GRID2: variants seen among roughly 807,000 people sequenced by gnomAD.
The protein encoded by GRID2 is glutamate receptor ionotropic, delta-2.
Under a neutral mutation model 114.8 loss-of-function variants are expected in GRID2, and 33 were observed. The ratio of observed to expected loss-of-function variants is 0.29; its 90% confidence interval spans 0.22 to 0.38. The LOEUF (loss-of-function observed/expected upper bound fraction) is 0.38. Ranked by LOEUF, GRID2 falls within the 10% of genes least tolerant of loss-of-function variation. The probability of loss-of-function intolerance (pLI) is 1.00; values close to 1 mark genes in which losing one functional copy is unlikely to be tolerated. For missense variants in GRID2, 1,184 were observed against 1,257.7 expected (o/e 0.94, Z 0.89); for synonymous variants, 505 against 449.9 (o/e 1.12, Z -1.55).
chr4:93,755,259 A>C (rs1732645590), intron 14 of GRID2, among the ~76,000 whole-genome samples: 1 of 152,194 alleles, frequency 6.6e-6, no homozygotes, highest in South Asian at 2.1e-4. Context: ...TGGTTGAAGA[A>C]AATAGATACA....
At chr4:93,225,100 G>T (rs966350452) in intron 7 of GRID2, among the ~76,000 whole-genome samples, 2 of 152,032 alleles carry the variant, frequency 1.3e-5, no homozygotes, top group Non-Finnish European at 2.9e-5. Context: ...AAAAACACAC[G>T]CCATCCACTA....
rs112079366 is a variant in GRID2 at position 93,516,481 on chromosome 4, A to G, written c.2193+1070A>G. Among the ~76,000 whole-genome samples, 352 of 152,208 alleles carry G rather than the reference A, an allele frequency of 2.3e-3. 2 individuals carry two copies. Among genetic ancestry groups the G allele is most frequent in the African/African-American group, 7.9e-3 (329 of 41,542 alleles). On this transcript the variant is annotated intron_variant, in intron 13 of 15. Transcript: ENST00000282020. Reference sequence around the variant, plus strand: ...ATAAACCTTTCTTCAAGTATTAATGATGTCTTTAAGGAAGTGAATGTCCTG... The same window carrying G: ...ATAAACCTTTCTTCAAGTATTAATGGTGTCTTTAAGGAAGTGAATGTCCTG...
intron 2 of GRID2, among the ~76,000 whole-genome samples, chr4:92,917,740 T>A (rs1748930991): frequency 6.6e-6 from 1 of 152,232 alleles, no homozygotes; most frequent in African/African-American, 2.4e-5. Context: ...CCATGCTGTT[T>A]TGGTTACTGT....
intron 4 of GRID2, among the ~76,000 whole-genome samples, chr4:93,137,470 A>G (rs576165481): frequency 6.6e-6 from 1 of 152,234 alleles, no homozygotes; most frequent in Admixed American, 6.5e-5. Flanking sequence ...CCTAGAAGGA[A>G]CCTATAGGAC....
chr4:93,094,430 T>C (rs949042712), intron 3 of GRID2, among the ~76,000 whole-genome samples: 5 of 152,064 alleles, frequency 3.3e-5, no homozygotes, highest in African/African-American at 1.2e-4. Context: ...TTTATTTTGG[T>C]TAATTTTGTT....
intron 2 of GRID2, among the ~76,000 whole-genome samples, chr4:92,687,696 G>A (rs952864215): frequency 1.3e-5 from 2 of 151,976 alleles, no homozygotes; most frequent in African/African-American, 4.8e-5. Context: ...GGGCGTTGTG[G>A]CCCGCGCCTA....
intron 2 of GRID2, among the ~76,000 whole-genome samples, chr4:92,950,934 T>C (rs1482502479): frequency 6.6e-6 from 1 of 152,174 alleles, no homozygotes; most frequent in Non-Finnish European, 1.5e-5. Flanking sequence ...AGATTATGTA[T>C]ACTGATTATG....
intron 1 of GRID2, among the ~76,000 whole-genome samples, chr4:92,312,155 G>A (rs1207650255): frequency 6.6e-6 from 1 of 151,956 alleles, no homozygotes; most frequent in Non-Finnish European, 1.5e-5. Flanking sequence ...ATATTCAAAG[G>A]CAATTGGAGT....
chr4:93,614,069 G>A (rs553726920), intron 13 of GRID2, among the ~76,000 whole-genome samples: 2 of 152,052 alleles, frequency 1.3e-5, no homozygotes, highest in Non-Finnish European at 2.9e-5. Context: ...GGAGTGACCC[G>A]ATTTTCCAGG....
At chr4:93,765,724 A>G (rs567912735) in intron 14 of GRID2, among the ~76,000 whole-genome samples, 3 of 151,794 alleles carry the variant, frequency 2.0e-5, no homozygotes, top group Non-Finnish European at 4.4e-5. Context: ...AAATAAAATG[A>G]AATGCAAGGG....
At chr4:92,900,887 G>A (rs1747534574) in intron 2 of GRID2, among the ~76,000 whole-genome samples, 1 of 147,212 alleles carries the variant, frequency 6.8e-6, no homozygotes, top group Admixed American at 6.8e-5. Context: ...CATCCATATT[G>A]CTGCTGCAAA....
intron 14 of GRID2, among the ~76,000 whole-genome samples, chr4:93,674,392 A>C (rs1184493677): frequency 6.6e-6 from 1 of 152,208 alleles, no homozygotes; most frequent in Non-Finnish European, 1.5e-5. Context: ...AATGCTGTGC[A>C]GTCTCTGGAA....
At chr4:92,348,551 G>C (rs1020941479) in intron 1 of GRID2, among the ~76,000 whole-genome samples, 1 of 152,160 alleles carries the variant, frequency 6.6e-6, no homozygotes. Flanking sequence ...AAAAGAGCTA[G>C]TTTCAGCTTT....
chr4:93,175,083 A>G (rs879706606), intron 4 of GRID2, among the ~76,000 whole-genome samples: 2 of 152,092 alleles, frequency 1.3e-5, no homozygotes, highest in Admixed American at 6.6e-5. Context: ...TTATATTCCT[A>G]CTAGCAATAT....
intron 2 of GRID2, among the ~76,000 whole-genome samples, chr4:93,080,980 C>G (rs1729808272): frequency 6.6e-6 from 1 of 152,160 alleles, no homozygotes; most frequent in Non-Finnish European, 1.5e-5. Flanking sequence ...GGAGCCCACT[C>G]TTGCTATAAT....
At chr4:92,386,076 A>T (rs1729947914) in intron 1 of GRID2, among the ~76,000 whole-genome samples, 1 of 151,576 alleles carries the variant, frequency 6.6e-6, no homozygotes, top group Non-Finnish European at 1.5e-5. Context: ...AGTATTTTGT[A>T]TGATATTCTG....
At chr4:92,998,283 C>G (rs2149213477) in intron 2 of GRID2, among the ~76,000 whole-genome samples, 1 of 152,062 alleles carries the variant, frequency 6.6e-6, no homozygotes, top group Non-Finnish European at 1.5e-5. Context: ...TATTGGCTTA[C>G]AGTATTATTT....
At chr4:93,700,829 C>T (rs940402771) in intron 14 of GRID2, among the ~76,000 whole-genome samples, 1 of 152,104 alleles carries the variant, frequency 6.6e-6, no homozygotes, top group African/African-American at 2.4e-5. Context: ...AAGGGGATTG[C>T]ACGTGTGTGC....
intron 2 of GRID2, among the ~76,000 whole-genome samples, chr4:92,637,030 A>T (rs1731097055): frequency 6.6e-6 from 1 of 151,948 alleles, no homozygotes; most frequent in Non-Finnish European, 1.5e-5. Context: ...TTAAAATTAC[A>T]TTATATTTAT....
Sources: allele counts gnomAD v4.1 joint callset (sites outside exome capture counted in the v4.1 genomes callset), GRCh38; gene constraint gnomAD v4.1.1; transcripts MANE v1.5; gene names NCBI Gene and HGNC (gene_info 2026-07-23, HGNC 2026-07-21).